Variants in GTF3C1 observed in about 807,000 individuals in gnomAD.
GTF3C1 encodes the protein general transcription factor 3C polypeptide 1.
GTF3C1 carries 57 observed loss-of-function variants against 226.7 expected under a neutral mutation model. That is an observed-to-expected ratio of 0.25 (90% confidence interval 0.20 to 0.31). The LOEUF is 0.31. GTF3C1 is among the 10% of genes least tolerant of loss of function. The pLI is 1.00. For synonymous variants in GTF3C1, 1,090 were observed against 1,084.8 expected (o/e 1.00, Z -0.09); for missense variants, 2,217 against 2,776.1 (o/e 0.80, Z 4.53).
At position 27,529,856 on chromosome 16, in the gene GTF3C1, C is replaced by G. The variant is rs1306320088; in HGVS notation, c.850-1135G>C. Reference sequence around the variant, plus strand: ...CAGACCCTCCAACAATGAAACTGAACGTCAGTTGCCATTTATCACCATTTT... The same window carrying G: ...CAGACCCTCCAACAATGAAACTGAAGGTCAGTTGCCATTTATCACCATTTT... On this transcript the variant is annotated intron_variant, in intron 5 of 36. Coordinates refer to ENST00000356183, the MANE Select transcript of GTF3C1 (RefSeq NM_001520.4). Among the ~76,000 whole-genome samples, 3 of 152,338 alleles carry G rather than the reference C, an allele frequency of 2.0e-5. No individual in the cohort carries two copies. In the Middle Eastern group the frequency reaches 0.01, roughly 518 times the overall value.
intron 5 of GTF3C1, among the ~76,000 whole-genome samples, 177 bp from the exon 6 acceptor site, chr16:27,528,898 A>G (rs974925977): frequency 6.6e-6 from 1 of 152,206 alleles, no homozygotes; most frequent in Non-Finnish European, 1.5e-5. Context: ...CCAGAGCAGG[A>G]TATAAACGAT....
chr16:27,472,810 T>C (rs944188497), intron 29 of GTF3C1, among the ~76,000 whole-genome samples: 3 of 152,238 alleles, frequency 2.0e-5, no homozygotes, highest in African/African-American at 7.2e-5. Flanking sequence ...ATTCTCCTCC[T>C]CTGAGGTCAA....
chr16:27,534,152 C>A (rs1272634233), intron 4 of GTF3C1, among the ~76,000 whole-genome samples: 1 of 152,256 alleles, frequency 6.6e-6, no homozygotes, highest in Non-Finnish European at 1.5e-5. Context: ...TGGGACGCCA[C>A]TCTGAAGCTC....
At chr16:27,485,909 G>A in intron 24 of GTF3C1, 88 bp downstream of exon 24, 1 of 779,434 alleles carries the variant, frequency 1.3e-6, no homozygotes, top group East Asian at 2.7e-5. Flanking sequence ...GAGAGGAGTG[G>A]TCTCTGGCTG....
chr16:27,494,046 A>G (rs555212933), intron 16 of GTF3C1, among the ~76,000 whole-genome samples: 1 of 152,296 alleles, frequency 6.6e-6, no homozygotes, highest in Admixed American at 6.5e-5. Context: ...AATTATCTCT[A>G]TGAGTGATAC....
rs117797913 is a variant in GTF3C1, at chr16:27,540,520, G to T, written c.432-2164C>A. 3.5e-3 allele frequency among the ~76,000 whole-genome samples: 534 copies of T among 152,330 alleles called. 19 individuals carry two copies. In the East Asian group the frequency reaches 0.064, roughly 18 times the overall value. On this transcript the variant is annotated intron_variant, in intron 2 of 36. Transcript: ENST00000356183. ...TGTTTCTGTTAATTATCGCGAATTA[G>T]CTGATTCAATAACTCCGGCTAGTTT...
chr16:27,524,685 T>C (rs570117188), intron 6 of GTF3C1, among the ~76,000 whole-genome samples: 3 of 152,320 alleles, frequency 2.0e-5, no homozygotes, highest in Non-Finnish European at 4.4e-5. Flanking sequence ...GTTGCCTGTC[T>C]AGCAAAAAAG....
intron 29 of GTF3C1, among the ~76,000 whole-genome samples, chr16:27,472,922 C>T (rs530752059): frequency 1.3e-5 from 2 of 152,324 alleles, no homozygotes; most frequent in South Asian, 4.1e-4. Context: ...ACAGATTCAA[C>T]TCCTTTTTTT....
chr16:27,476,297 C>T (rs1045890427), intron 29 of GTF3C1, among the ~76,000 whole-genome samples, 154 bp downstream of exon 29: 1 of 152,112 alleles, frequency 6.6e-6, no homozygotes, highest in African/African-American at 2.4e-5. Context: ...AATAAAACAA[C>T]GATAAAAAAA....
At chr16:27,468,315 A>G (rs2087813816) in intron 32 of GTF3C1, among the ~76,000 whole-genome samples, 1 of 152,196 alleles carries the variant, frequency 6.6e-6, no homozygotes, top group Non-Finnish European at 1.5e-5. Flanking sequence ...GCAACAAAGG[A>G]TTTAGAATAT....
rs758091962 is a variant in GTF3C1 at position 27,497,755 on chromosome 16, G to A, written c.2232C>T (p.Gly744=). The A allele has an allele frequency of 3.1e-6, 5 of 1,613,860 alleles. No individual in the cohort carries two copies. The highest frequency in any genetic ancestry group is 4.2e-6 in the Non-Finnish European group (5 of 1,179,768). ...GCTGAGAGTCCCCTGATCCACTTGGGCCCTCTTTTCCTTGACTGTCTTCTT... is the reference window on the plus strand; with the variant it reads ...GCTGAGAGTCCCCTGATCCACTTGGACCCTCTTTTCCTTGACTGTCTTCTT... ...EAEEDSQGKE[G]PSGSGDSQLS... The change falls in exon 14 of 37, where the codon GGC becomes GGT. Residue 744 remains glycine, a synonymous_variant. Coordinates refer to ENST00000356183, the MANE Select transcript of GTF3C1 (RefSeq NM_001520.4).
At chr16:27,532,148 C>G (rs1463303470) in intron 5 of GTF3C1, among the ~76,000 whole-genome samples, 1 of 152,122 alleles carries the variant, frequency 6.6e-6, no homozygotes, top group African/African-American at 2.4e-5. Context: ...TATGGAAAGT[C>G]TCAATTTCTT....
chr16:27,542,697 C>T (rs538193008), intron 2 of GTF3C1, among the ~76,000 whole-genome samples: 4 of 152,260 alleles, frequency 2.6e-5, no homozygotes, highest in South Asian at 4.2e-4. Context: ...AAATGAGTCT[C>T]CTTCTCTTGG....
intron 12 of GTF3C1, 54 bp from the exon 13 acceptor site, chr16:27,498,787 T>C: frequency 3.8e-6 from 3 of 782,062 alleles, no homozygotes; most frequent in African/African-American, 4.4e-5. Context: ...TGAGGAAGAC[T>C]TGGCTCCACA....
At chr16:27,479,203 C>T (rs2088001154) in intron 27 of GTF3C1, among the ~76,000 whole-genome samples, 2 of 152,128 alleles carry the variant, frequency 1.3e-5, no homozygotes, top group African/African-American at 2.4e-5. Context: ...TATATTAAAA[C>T]ATCACACTGT....
At position 27,484,358 on chromosome 16, in the gene GTF3C1, A is replaced by G; in HGVS notation, c.3859-5T>C. ...GGTGACAAATGGGCCCTTCACCTGG[A>G]TCAAACACAGAGCCAAGACAAAAAG... On this transcript the variant is annotated splice_polypyrimidine_tract_variant and splice_region_variant and intron_variant, in intron 24 of 36. Transcript: ENST00000356183. The G allele has an allele frequency of 6.2e-7, 1 of 1,601,408 alleles. No homozygotes were observed. Among genetic ancestry groups the G allele is most frequent in the Non-Finnish European group, 8.6e-7 (1 of 1,168,654 alleles).
chr16:27,511,984 C>G (rs748584539), intron 6 of GTF3C1, 83 bp from the exon 7 acceptor site: 3 of 1,453,266 alleles, frequency 2.1e-6, no homozygotes, highest in Non-Finnish European at 2.8e-6. Flanking sequence ...AATATCACAG[C>G]ACATGTCAGC....
intron 6 of GTF3C1, among the ~76,000 whole-genome samples, chr16:27,513,447 C>G (rs2088607454): frequency 6.6e-6 from 1 of 152,094 alleles, no homozygotes; most frequent in African/African-American, 2.4e-5. Context: ...GAGTGAGACC[C>G]TGTCTCAAAA....
rs1276000883 is a variant in GTF3C1 at position 27,489,656 on chromosome 16, C to T, written c.3239G>A (p.Ser1080Asn). Residue 1080 changes from serine to asparagine, a missense_variant, in exon 20 of 37, where the codon AGC becomes AAC. Ser to Asn is a conservative substitution (Grantham distance 46). This residue lies in a region of GTF3C1 where 353 missense variants were observed against 411.7 expected (regional missense o/e 0.86). Coordinates refer to ENST00000356183, the MANE Select transcript of GTF3C1 (RefSeq NM_001520.4). The stretch of plus-strand genomic sequence containing the variant: ...CTCCAGGTTGTGCTTGTCCATGGCG[C>T]TCTCCTGCTCCTTCTGCAGGCTGCC... ...EEGSLQKEQE[S>N]AMDKHNLERK... 1.2e-6 allele frequency: 2 copies of T among 1,611,878 alleles called. No individual in the cohort carries two copies. The highest frequency in any genetic ancestry group is 1.7e-5 in the Admixed American group (1 of 59,962).
Sources: allele counts gnomAD v4.1 joint callset (sites outside exome capture counted in the v4.1 genomes callset), GRCh38; gene constraint gnomAD v4.1.1; regional missense constraint gnomAD v4.1.1; transcripts MANE v1.5; gene names NCBI Gene and HGNC (gene_info 2026-07-23, HGNC 2026-07-21).